The following SLC9A2 variants were observed in gnomAD, a reference collection of about 807,000 sequenced individuals.
SLC9A2 encodes solute carrier family 9 member A2.
In SLC9A2, 42 loss-of-function variants were observed where a neutral mutation model predicts 71.7. The ratio of observed to expected loss-of-function variants is 0.59; its 90% CI spans 0.46 to 0.76. The LOEUF is 0.76. Ranked by LOEUF, SLC9A2 falls within the 30% of genes least tolerant of loss-of-function variation. SLC9A2 has a pLI of 0.00. For missense variants in SLC9A2, 829 were observed against 1,017.4 expected (o/e 0.81, Z 2.52); for synonymous variants, 396 against 392.5 (o/e 1.01, Z -0.10).
intron 1 of SLC9A2, among the ~76,000 whole-genome samples, chr2:102,635,888 C>CT (rs35453859): frequency 0.059 from 8,536 of 144,988 alleles, 266 homozygotes; most frequent in African/African-American, 0.091. Context: ...ATAATTTTTT[C>CT]TTTTTTTTTT....
intron 1 of SLC9A2, among the ~76,000 whole-genome samples, chr2:102,650,185 C>T (rs11123943): frequency 0.44 from 66,597 of 151,994 alleles, 14,949 homozygotes; most frequent in East Asian, 0.77. Context: ...TGGATGAAGC[C>T]GGAAACCATC....
rs1302081098 is a variant in SLC9A2, at chr2:102,711,190, A to G, written c.*2701A>G. 6.6e-6 allele frequency: 1 copy of G among 152,312 alleles called. No homozygotes were observed. Among genetic ancestry groups the G allele is most frequent in the Non-Finnish European group, 1.5e-5 (1 of 68,038 alleles). 9.4% of individuals were successfully genotyped at this position (152,312 alleles called of 1,614,324 possible). ...CAGTACGAGTCTCAGCACGTTTTGC[A>G]TTTATTGTACTGCCCAAATTGTTTT... On this transcript the variant is annotated 3_prime_UTR_variant, in exon 12 of 12. Transcript: ENST00000233969.
intron 3 of SLC9A2, 26 bp downstream of exon 3, chr2:102,665,376 T>C (rs374275871): frequency 9.7e-5 from 154 of 1,591,714 alleles, no homozygotes; most frequent in Non-Finnish European, 1.3e-4. Flanking sequence ...TTAAAAGTGC[T>C]CGATGATGGC....
rs1676973043 is a variant in SLC9A2, at chr2:102,657,853, G to C, written c.579G>C (p.Gln193His). 1.2e-6 allele frequency: 2 copies of C among 1,614,118 alleles called. No individual in the cohort carries two copies. The highest frequency in any genetic ancestry group is 1.7e-5 in the Admixed American group (1 of 60,004). ...GIGVSLFGIC[Q>H]IEAFGLSDIT... ...GGGTGTCTTTGTTTGGTATCTGCCA[G>C]ATCGAAGCATTCGGCCTCAGCGACA... The change falls in exon 2 of 12, where the codon CAG (glutamine) becomes CAC (histidine). Residue 193 changes from glutamine to histidine, a missense_variant. Physicochemically the swap from Gln to His is conservative, Grantham distance 24. Coordinates refer to ENST00000233969, the MANE Select transcript of SLC9A2 (RefSeq NM_003048.6).
chr2:102,626,328 T>C (rs1676246916), intron 1 of SLC9A2, among the ~76,000 whole-genome samples: 1 of 152,180 alleles, frequency 6.6e-6, no homozygotes. Context: ...GGGAAAGGAT[T>C]CCCTATTTAA....
chr2:102,662,192 C>T (rs1447901808), intron 2 of SLC9A2, among the ~76,000 whole-genome samples: 1 of 152,198 alleles, frequency 6.6e-6, no homozygotes, highest in East Asian at 1.9e-4. Flanking sequence ...CATCTTAACT[C>T]TTTGCAGAGT....
chr2:102,691,649 C>T (rs542560680), intron 5 of SLC9A2, among the ~76,000 whole-genome samples: 2 of 152,214 alleles, frequency 1.3e-5, no homozygotes, highest in South Asian at 2.1e-4. Context: ...AAAAGGGCGA[C>T]GATTAAAAGG....
chr2:102,627,465 G>A (rs1255224996), intron 1 of SLC9A2, among the ~76,000 whole-genome samples: 1 of 152,068 alleles, frequency 6.6e-6, no homozygotes, highest in Admixed American at 6.6e-5. Flanking sequence ...GTTTATCTGT[G>A]TCTTCTGGGG....
chr2:102,679,137 C>T (rs1466393858), intron 3 of SLC9A2, among the ~76,000 whole-genome samples: 1 of 152,168 alleles, frequency 6.6e-6, no homozygotes, highest in Non-Finnish European at 1.5e-5. Flanking sequence ...GACATGCACA[C>T]ACTCCCTGAA....
rs575938454 is a variant in SLC9A2 at position 102,657,153 on chromosome 2, C to T, written c.290-411C>T. Among the ~76,000 whole-genome samples, 12 of 151,724 alleles carry T rather than the reference C, an allele frequency of 7.9e-5. No individual in the cohort carries two copies. In the East Asian group the frequency reaches 1.9e-3, roughly 25 times the overall value. ...CCCGGGAGGCAGAGGTTGCAGTGAG[C>T]CGAGATTATGCCACTGTACTCCAGC... On this transcript the variant is annotated intron_variant, in intron 1 of 11. Transcript: ENST00000233969.
In SLC9A2 at chr2:102,680,809, T is replaced by C. The variant is rs138207536; in HGVS notation, c.1005-2452T>C. Among the ~76,000 whole-genome samples, 150 of 152,198 alleles carry C rather than the reference T, an allele frequency of 9.9e-4. 2 individuals carry two copies. The East Asian group carries it at 0.024, about 25-fold the overall frequency. On this transcript the variant is annotated intron_variant, in intron 3 of 11. Transcript: ENST00000233969. ...CATTAGAATATCTGGGTGGCCTTGA[T>C]ATAATCATAAGAGCCCTTATGAGAG...
At chr2:102,695,763 TATATATA>T (rs1677743875) in intron 7 of SLC9A2, among the ~76,000 whole-genome samples, 1 of 123,508 alleles carries the variant, frequency 8.1e-6, no homozygotes, top group South Asian at 2.3e-4. Flanking sequence ...AACGTGTATA[TATATATA>T]ATATATATTA....
chr2:102,659,483 G>A (rs943299130), intron 2 of SLC9A2, among the ~76,000 whole-genome samples: 2 of 151,850 alleles, frequency 1.3e-5, no homozygotes, highest in Non-Finnish European at 2.9e-5. Flanking sequence ...CATAGAAACC[G>A]ATTTATTCTC....
At chr2:102,704,991 C>T (rs1482609707) in intron 10 of SLC9A2, among the ~76,000 whole-genome samples, 1 of 152,042 alleles carries the variant, frequency 6.6e-6, no homozygotes, top group East Asian at 1.9e-4. Flanking sequence ...TGCCTGAGCT[C>T]AGGAGTTCGA....
rs1678033062 is a variant in SLC9A2 at position 102,708,516 on chromosome 2, G to T, written c.*27G>T. The T allele has an allele frequency of 6.3e-7, 1 of 1,599,864 alleles. No individual in the cohort carries two copies. The highest frequency in any genetic ancestry group is 1.7e-5 in the Admixed American group (1 of 58,846). ...AGAAGCAGCGAAAGCAGATCTGAGT[G>T]TCTGACCCAGGACAGCTGTGGTTTG... On this transcript the variant is annotated 3_prime_UTR_variant, in exon 12 of 12. Coordinates refer to ENST00000233969, the MANE Select transcript of SLC9A2 (RefSeq NM_003048.6).
At chr2:102,674,140 C>T (rs1387865843) in intron 3 of SLC9A2, among the ~76,000 whole-genome samples, 2 of 152,070 alleles carry the variant, frequency 1.3e-5, no homozygotes, top group Admixed American at 6.6e-5. Flanking sequence ...ATGAAATGTA[C>T]ACTTACCACC....
chr2:102,683,649 T>G (rs1028781844), intron 4 of SLC9A2, among the ~76,000 whole-genome samples, 171 bp downstream of exon 4: 1 of 152,082 alleles, frequency 6.6e-6, no homozygotes, highest in Admixed American at 6.6e-5. Context: ...TTTACTTTTT[T>G]CTCTCCTATA....
chr2:102,695,157 C>T, intron 7 of SLC9A2, 44 bp downstream of exon 7: 1 of 1,357,494 alleles, frequency 7.4e-7, no homozygotes, highest in Non-Finnish European at 1.0e-6. Flanking sequence ...GGCCCAGGGT[C>T]ATTCTGAAAG....
At chr2:102,645,456 C>G (rs974672499) in intron 1 of SLC9A2, among the ~76,000 whole-genome samples, 1 of 152,038 alleles carries the variant, frequency 6.6e-6, no homozygotes, top group African/African-American at 2.4e-5. Context: ...ATGAGTTTGA[C>G]AAATTGACAG....
Sources: allele counts gnomAD v4.1 joint callset (sites outside exome capture counted in the v4.1 genomes callset), GRCh38; gene constraint gnomAD v4.1.1; transcripts MANE v1.5; gene names NCBI Gene and HGNC (gene_info 2026-07-23, HGNC 2026-07-21).